The following NALF1 variants were observed in gnomAD, a reference collection of about 807,000 sequenced individuals.
The protein encoded by NALF1 is NALCN channel auxiliary factor 1.
Under a neutral mutation model 48.4 loss-of-function variants are expected in NALF1, and 3 were observed. The ratio of observed to expected loss-of-function variants is 0.06; its 90% CI spans 0.03 to 0.16. The LOEUF (loss-of-function observed/expected upper bound fraction) is 0.16, where lower values mean the gene tolerates loss of function less well. Ranked by LOEUF, NALF1 falls within the 10% of genes least tolerant of loss-of-function variation. NALF1 has a pLI of 1.00. For missense variants in NALF1, 526 were observed against 571.5 expected (o/e 0.92, Z 0.81); for synonymous variants, 262 against 245.7 (o/e 1.07, Z -0.62).
intron 1 of NALF1, among the ~76,000 whole-genome samples, chr13:107,679,470 C>T (rs2138493720): frequency 6.6e-6 from 1 of 152,308 alleles, no homozygotes; most frequent in East Asian, 1.9e-4. Context: ...AGAGCCAGCC[C>T]TCACTGTGCA....
In NALF1 at chr13:107,662,614, A is replaced by G. The variant is rs555021189; in HGVS notation, c.915+203068T>C. Among the ~76,000 whole-genome samples the G allele has an allele frequency of 7.9e-5, 12 of 152,334 alleles. No individual in the cohort carries two copies. In the South Asian group the frequency reaches 2.5e-3, roughly 32 times the overall value. ...GTTTCATGCAGTTCTCAAGAACCAC[A>G]TCCATTAAAAATAACTTGAAAACAG... On this transcript the variant is annotated intron_variant, in intron 1 of 2. Transcript: ENST00000375915.
chr13:107,568,161 C>T (rs1254113132), intron 1 of NALF1, among the ~76,000 whole-genome samples: 2 of 151,954 alleles, frequency 1.3e-5, no homozygotes, highest in African/African-American at 2.4e-5. Context: ...TTAATTTTTT[C>T]GTAGAGATGG....
chr13:107,439,421 C>T (rs1053860995), intron 1 of NALF1, among the ~76,000 whole-genome samples: 2 of 152,200 alleles, frequency 1.3e-5, no homozygotes, highest in African/African-American at 4.8e-5. Context: ...CAGTTCTTGC[C>T]ACTGCTCTGG....
chr13:107,711,547 G>C (rs1875592669), intron 1 of NALF1, among the ~76,000 whole-genome samples: 2 of 152,168 alleles, frequency 1.3e-5, no homozygotes, highest in Non-Finnish European at 2.9e-5. Flanking sequence ...TGTTGGCCAG[G>C]CTGGTCTTTA....
At chr13:107,522,689 C>T (rs137876544) in intron 1 of NALF1, among the ~76,000 whole-genome samples, 4 of 151,930 alleles carry the variant, frequency 2.6e-5, no homozygotes, top group Admixed American at 1.3e-4. Context: ...CTGCAACCTC[C>T]GCCTCCTGAG....
At chr13:107,648,800 C>A (rs948859852) in intron 1 of NALF1, among the ~76,000 whole-genome samples, 1 of 152,146 alleles carries the variant, frequency 6.6e-6, no homozygotes, top group Non-Finnish European at 1.5e-5. Flanking sequence ...TTCTCCCTAG[C>A]AGTGAATAAG....
intron 1 of NALF1, among the ~76,000 whole-genome samples, chr13:107,589,370 G>A (rs1463890183): frequency 6.6e-6 from 1 of 151,894 alleles, no homozygotes; most frequent in Non-Finnish European, 1.5e-5. Flanking sequence ...AAATGGCAAT[G>A]GCAATCTTTC....
At position 107,165,260 on chromosome 13, in the gene NALF1, T is replaced by C. The variant is rs1878634829; in HGVS notation, c.*5237A>G. The C allele has an allele frequency of 6.6e-6, 1 of 152,190 alleles. No homozygotes were observed. 9.4% of individuals were successfully genotyped at this position (152,190 alleles called of 1,614,324 possible). A position where few individuals can be genotyped will look rare whatever the true frequency, so the allele number is the denominator to read the frequency against. On this transcript the variant is annotated 3_prime_UTR_variant, in exon 3 of 3. Transcript: ENST00000375915. ...GAACTCTGAGACATTCGCTAGATCT[T>C]CCTGATCATTTTGATTTTTTCATTT...
chr13:107,240,810 T>TTC (rs1880451016), intron 1 of NALF1, among the ~76,000 whole-genome samples: 1 of 147,548 alleles, frequency 6.8e-6, no homozygotes, highest in Admixed American at 6.8e-5. Context: ...ATATTTCACC[T>TTC]TTTTTTTTTA....
intron 1 of NALF1, among the ~76,000 whole-genome samples, chr13:107,811,953 T>A (rs1299209282): frequency 6.6e-6 from 1 of 152,208 alleles, no homozygotes; most frequent in Non-Finnish European, 1.5e-5. Context: ...TCTTTATTGA[T>A]ATGCAGGGAA....
intron 1 of NALF1, among the ~76,000 whole-genome samples, chr13:107,747,727 T>C (rs538453267): frequency 6.6e-6 from 1 of 152,328 alleles, no homozygotes; most frequent in East Asian, 1.9e-4. Flanking sequence ...TAAAGAATTG[T>C]ATTTACTCAA....
chr13:107,700,382 T>G (rs1035031913), intron 1 of NALF1, among the ~76,000 whole-genome samples: 1 of 151,822 alleles, frequency 6.6e-6, no homozygotes, highest in Non-Finnish European at 1.5e-5. Flanking sequence ...GGACATCAAG[T>G]GAACATAATA....
intron 1 of NALF1, among the ~76,000 whole-genome samples, chr13:107,374,626 C>T (rs1007772387): frequency 6.6e-6 from 1 of 152,190 alleles, no homozygotes; most frequent in African/African-American, 2.4e-5. Context: ...GAGGCTGTGC[C>T]GTAGTTTCAC....
chr13:107,362,597 G>T lies in NALF1; in HGVS notation c.916-151842C>A, dbSNP rs1883083604. On this transcript the variant is annotated intron_variant, in intron 1 of 2. Transcript: ENST00000375915. This position sits in a 1 kb window ranked among gnomAD's most constrained non-coding sequence, Gnocchi z 4.6. ...ACACTGGATTAGCGCCCACCCTAAT[G>T]ACCTCATCTTAATCATCTGTGAAGG... Among the ~76,000 whole-genome samples, 1 of 152,050 alleles carries T rather than the reference G, an allele frequency of 6.6e-6. No homozygotes were observed.
At chr13:107,394,408 G>T (rs568034747) in intron 1 of NALF1, among the ~76,000 whole-genome samples, 7 of 152,254 alleles carry the variant, frequency 4.6e-5, no homozygotes, top group Admixed American at 4.6e-4. Flanking sequence ...TAGAGTATAT[G>T]TGCTGTGACT....
intron 1 of NALF1, among the ~76,000 whole-genome samples, chr13:107,340,369 G>C (rs1265056980): frequency 2.0e-5 from 3 of 151,644 alleles, no homozygotes; most frequent in African/African-American, 7.3e-5. Context: ...ACAAACTCCT[G>C]ACCTGAAGTG....
chr13:107,695,982 TG>T (rs1173900773), intron 1 of NALF1, among the ~76,000 whole-genome samples: 1 of 151,866 alleles, frequency 6.6e-6, no homozygotes, highest in Admixed American at 6.6e-5. Context: ...CTGCAACCTC[TG>T]CCTCCTGGGT....
At chr13:107,586,259 A>G (rs1878453206) in intron 1 of NALF1, among the ~76,000 whole-genome samples, 2 of 152,094 alleles carry the variant, frequency 1.3e-5, no homozygotes, top group African/African-American at 4.8e-5. Flanking sequence ...TCATTTACAA[A>G]GTGGGGCAAT....
At chr13:107,749,370 G>A (rs559114633) in intron 1 of NALF1, among the ~76,000 whole-genome samples, 12 of 152,082 alleles carry the variant, frequency 7.9e-5, no homozygotes, top group African/African-American at 2.9e-4. Flanking sequence ...CCTTCCATGT[G>A]AATCACCACA....
Sources: gnomAD v4.1 joint callset for allele counts (sites outside exome capture counted in the v4.1 genomes callset) on GRCh38, gnomAD v4.1.1 for gene constraint, Gnocchi (gnomAD v3.1) non-coding constraint, MANE v1.5 for transcripts, NCBI Gene and HGNC (gene_info 2026-07-23, HGNC 2026-07-21) for gene names.